CRYZ: variants seen among roughly 807,000 people sequenced by gnomAD.
CRYZ encodes the protein crystallin zeta.
CRYZ carries 35 observed loss-of-function variants against 34.1 expected under a neutral mutation model. That is an observed-to-expected ratio of 1.03 (90% confidence interval 0.78 to 1.36). The LOEUF (loss-of-function observed/expected upper bound fraction) is 1.36. Among genes scored for constraint, CRYZ ranks in the 40% most tolerant of loss-of-function variants. The pLI, the probability that CRYZ is intolerant of heterozygous loss-of-function variation, is 0.00. For missense variants in CRYZ, 403 were observed against 391.8 expected (o/e 1.03, Z -0.24); for synonymous variants, 137 against 136.5 (o/e 1.00, Z -0.03).
intron 5 of CRYZ, among the ~76,000 whole-genome samples, chr1:74,711,527 T>C (rs886604154): frequency 6.6e-6 from 1 of 152,234 alleles, no homozygotes; most frequent in Admixed American, 6.5e-5. Context: ...CTGTCTCCTA[T>C]GTCTTTGGCC....
In CRYZ at chr1:74,724,787, C is replaced by CT. The variant is rs1364329434; in HGVS notation, c.34dup (p.Arg12LysfsTer4). 5.6e-6 allele frequency: 9 copies of CT among 1,613,642 alleles called. No individual in the cohort carries two copies. The highest frequency in any genetic ancestry group is 1.1e-5 in the South Asian group (1 of 91,040). ...TTCTGGCCCACCAAATTCAAAAACT[C>CT]TAACAGCTCTCATCAACTTCTGTCC... On this transcript the variant is annotated frameshift_variant, in exon 2 of 9. Coordinates refer to ENST00000340866, the MANE Select transcript of CRYZ (RefSeq NM_001889.4). LOFTEE classifies it high-confidence loss of function.
At chr1:74,725,142 C>T (rs1647269279) in intron 1 of CRYZ, among the ~76,000 whole-genome samples, 2 of 152,098 alleles carry the variant, frequency 1.3e-5, no homozygotes, top group Admixed American at 1.3e-4. Flanking sequence ...AGTTGCAATA[C>T]CTTAGAAATT....
At chr1:74,732,713 C>A (rs969377294) in intron 1 of CRYZ, 1 of 152,978 alleles carries the variant, frequency 6.5e-6, no homozygotes, top group Non-Finnish European at 1.5e-5. Flanking sequence ...AAACTCAGAG[C>A]CTAAACGCAG....
chr1:74,711,750 C>G (rs751991091), intron 5 of CRYZ, among the ~76,000 whole-genome samples: 3 of 152,072 alleles, frequency 2.0e-5, no homozygotes, highest in Non-Finnish European at 4.4e-5. Flanking sequence ...AAGACCCTGT[C>G]TCTAAAAAAT....
chr1:74,717,008 A>C (rs1223727498), intron 4 of CRYZ, among the ~76,000 whole-genome samples: 1 of 152,072 alleles, frequency 6.6e-6, no homozygotes, highest in Non-Finnish European at 1.5e-5. Flanking sequence ...CCTCCTACTT[A>C]ATTGTGAAAA....
chr1:74,706,610 G>A (rs1184511354), intron 8 of CRYZ, among the ~76,000 whole-genome samples, 153 bp from the exon 9 acceptor site: 1 of 152,120 alleles, frequency 6.6e-6, no homozygotes, highest in East Asian at 1.9e-4. Flanking sequence ...TATAGAAAAA[G>A]TAGTTATCTA....
Position 74,723,269 on chromosome 1 carries a change from A to G in CRYZ, c.113T>C (p.Val38Ala). Residue 38 changes from valine to alanine, a missense_variant and splice_region_variant, in exon 3 of 9, where the codon GTT (valine) becomes GCT (alanine). Physicochemically the swap from Val to Ala is moderately conservative, Grantham distance 64. Coordinates refer to ENST00000340866, the MANE Select transcript of CRYZ (RefSeq NM_001889.4). ...ACCACATGCATGGACCTTGATTAGA[A>G]CCTGCAATGACAATGTATTTTAGTT... ...IAVPIPKDHQ[V>A]LIKVHACGVN... The G allele has an allele frequency of 6.2e-7, 1 of 1,607,548 alleles. No individual in the cohort carries two copies. Among genetic ancestry groups the G allele is most frequent in the Non-Finnish European group, 8.5e-7 (1 of 1,178,504 alleles).
In CRYZ at chr1:74,719,337, A is replaced by C. The variant is rs1323171395; in HGVS notation, c.300T>G (p.Ser100=). The C allele has an allele frequency of 2.5e-6, 4 of 1,612,992 alleles. No individual in the cohort carries two copies. The highest frequency in any genetic ancestry group is 1.3e-5 in the African/African-American group (1 of 75,046). The part of the protein sequence containing the change: ...GDRVFTSSTI[S]GGYAEYALAA... ...CAAGAGCATACTCTGCATAACCCCC[A>C]GAGATCGTGCTGCTAGTGAAAACTC... Residue 100 remains serine, a synonymous_variant, in exon 4 of 9, where the codon TCT becomes TCG. Transcript: ENST00000340866.
rs1647249246 is a variant in CRYZ at position 74,724,753 on chromosome 1, T to C, written c.69A>G (p.Lys23=). The C allele has an allele frequency of 6.2e-7, 1 of 1,613,536 alleles. No individual in the cohort carries two copies. Among genetic ancestry groups the C allele is most frequent in the East Asian group, 2.2e-5 (1 of 44,836 alleles). Residue 23 remains lysine, a synonymous_variant, in exon 2 of 9, where the codon AAA becomes AAG. Transcript: ENST00000340866. ...TCGGTACTGCAATATCTGATCGCAA[T>C]TTCAGGACTTCTGGCCCACCAAATT... ...VFEFGGPEVL[K]LRSDIAVPIP...
At chr1:74,723,007 A>C in intron 3 of CRYZ, 111 bp downstream of exon 3, 2 of 1,075,802 alleles carry the variant, frequency 1.9e-6, no homozygotes, top group Admixed American at 2.7e-5. Flanking sequence ...AGTGGCAGAA[A>C]TTGTGTAATG....
chr1:74,705,591 C>G lies in CRYZ; in HGVS notation c.*705G>C, dbSNP rs1432240046. 1 of 151,826 alleles carries G rather than the reference C, an allele frequency of 6.6e-6. No individual in the cohort carries two copies. Among genetic ancestry groups the G allele is most frequent in the Admixed American group, 6.6e-5 (1 of 15,224 alleles). The allele number at this position is 151,826 out of a possible 1,614,324, so 9.4% of individuals were successfully genotyped here. A position where few individuals can be genotyped will look rare whatever the true frequency, so the allele number is the denominator to read the frequency against. ...AGCTTAATTAACAAAAATATTTGAC[C>G]CTCACCAGAAAAACAGATAACTCTA... On this transcript the variant is annotated 3_prime_UTR_variant, in exon 9 of 9. Coordinates refer to ENST00000340866, the MANE Select transcript of CRYZ (RefSeq NM_001889.4).
chr1:74,722,130 G>C (rs1647174009), intron 3 of CRYZ, among the ~76,000 whole-genome samples: 1 of 152,094 alleles, frequency 6.6e-6, no homozygotes, highest in Non-Finnish European at 1.5e-5. Context: ...GGTCTAAATA[G>C]AGACTGAGAG....
chr1:74,726,434 C>A (rs1398502670), intron 1 of CRYZ, among the ~76,000 whole-genome samples: 1 of 152,192 alleles, frequency 6.6e-6, no homozygotes, highest in East Asian at 1.9e-4. Flanking sequence ...TATGTTGGCA[C>A]CTTTAAGCTA....
chr1:74,708,803 T>G (rs1646964517), intron 6 of CRYZ: 1 of 151,984 alleles, frequency 6.6e-6, no homozygotes, highest in African/African-American at 2.4e-5. Flanking sequence ...CTGATCAGGA[T>G]GAAAGTCTAG....
intron 1 of CRYZ, among the ~76,000 whole-genome samples, chr1:74,732,376 G>C (rs575225280): frequency 1.5e-5 from 2 of 132,402 alleles, no homozygotes; most frequent in East Asian, 2.3e-4. Context: ...CCCTACCTAG[G>C]AGAAGAAATC....
At chr1:74,714,309 A>C (rs1647042335) in intron 5 of CRYZ, among the ~76,000 whole-genome samples, 1 of 152,184 alleles carries the variant, frequency 6.6e-6, no homozygotes, top group South Asian at 2.1e-4. Flanking sequence ...GGCAAAAACA[A>C]GGCCAGTTTA....
intron 4 of CRYZ, 26 bp from the exon 5 acceptor site, chr1:74,714,656 C>A (rs773170702): frequency 4.3e-6 from 7 of 1,612,182 alleles, no homozygotes; most frequent in Non-Finnish European, 5.9e-6. Flanking sequence ...TAAGTTACAT[C>A]ACCTTATTTT....
chr1:74,729,990 C>T (rs1220084621), intron 1 of CRYZ, among the ~76,000 whole-genome samples: 1 of 152,092 alleles, frequency 6.6e-6, no homozygotes, highest in East Asian at 1.9e-4. Context: ...ACACACATAG[C>T]CTATGAGATG....
chr1:74,721,318 G>A (rs1285834508), intron 3 of CRYZ, among the ~76,000 whole-genome samples: 2 of 152,178 alleles, frequency 1.3e-5, no homozygotes, highest in Non-Finnish European at 2.9e-5. Context: ...CATGGGATGT[G>A]CAGGGAAGGA....
Sources: allele counts gnomAD v4.1 joint callset (sites outside exome capture counted in the v4.1 genomes callset), GRCh38; gene constraint gnomAD v4.1.1; transcripts MANE v1.5; gene names NCBI Gene and HGNC (gene_info 2026-07-23, HGNC 2026-07-21).